Variants in CADM2 observed in about 807,000 individuals in gnomAD.
The protein encoded by CADM2 is cell adhesion molecule 2, also known as immunoglobulin superfamily member 4D.
Under a neutral mutation model 49.8 loss-of-function variants are expected in CADM2, and 12 were observed. That is an observed-to-expected ratio of 0.24 (90% CI 0.15 to 0.39). CADM2 has a LOEUF of 0.39. CADM2 is among the 10% of genes least tolerant of loss of function. CADM2 has a pLI of 1.00. For synonymous variants in CADM2, 214 were observed against 175.4 expected (o/e 1.22, Z -1.74); for missense variants, 378 against 492.3 (o/e 0.77, Z 2.20).
intron 1 of CADM2, among the ~76,000 whole-genome samples, chr3:85,677,141 T>G (rs2065908641): frequency 6.6e-6 from 1 of 152,188 alleles, no homozygotes; most frequent in Admixed American, 6.5e-5. Flanking sequence ...ATTAATACAC[T>G]TAGGTTAAGC....
At chr3:85,505,175 C>T (rs2040290459) in intron 1 of CADM2, among the ~76,000 whole-genome samples, 1 of 152,248 alleles carries the variant, frequency 6.6e-6, no homozygotes, top group African/African-American at 2.4e-5. Flanking sequence ...AGTGGGAGCC[C>T]AGGCAGAGGA....
intron 1 of CADM2, among the ~76,000 whole-genome samples, chr3:85,290,232 G>C (rs559905226): frequency 2.1e-4 from 32 of 152,138 alleles, no homozygotes; most frequent in African/African-American, 7.2e-4. Flanking sequence ...TTTTCCGATC[G>C]GCTTAAAAAA....
chr3:85,379,277 G>T (rs1277930564), intron 1 of CADM2, among the ~76,000 whole-genome samples: 1 of 151,864 alleles, frequency 6.6e-6, no homozygotes, highest in East Asian at 1.9e-4. Flanking sequence ...CAATAGTTTT[G>T]GATGCATCCA....
chr3:85,292,934 AAAATC>A (rs1385328718), intron 1 of CADM2, among the ~76,000 whole-genome samples: 4 of 152,136 alleles, frequency 2.6e-5, no homozygotes, highest in Admixed American at 2.6e-4. Flanking sequence ...AGAAATAACT[AAAATC>A]AGAGCAGAAC....
At chr3:85,153,633 G>A (rs980446378) in intron 1 of CADM2, among the ~76,000 whole-genome samples, 1 of 152,132 alleles carries the variant, frequency 6.6e-6, no homozygotes, top group African/African-American at 2.4e-5. Flanking sequence ...ATCTCTGGGG[G>A]CAGGGCACAG....
intron 8 of CADM2, among the ~76,000 whole-genome samples, chr3:86,054,117 A>G (rs76030863): frequency 0.037 from 5,673 of 152,098 alleles, 212 homozygotes; most frequent in African/African-American, 0.094. Flanking sequence ...AAAAGCAATC[A>G]GAGAACATCT....
At chr3:85,980,060 A>G (rs1445169166) in intron 8 of CADM2, among the ~76,000 whole-genome samples, 1 of 151,498 alleles carries the variant, frequency 6.6e-6, no homozygotes, top group Non-Finnish European at 1.5e-5. Context: ...AATTAAAAAA[A>G]AATGAAGCCA....
intron 1 of CADM2, among the ~76,000 whole-genome samples, chr3:85,652,533 C>A (rs555179169): frequency 6.6e-6 from 1 of 152,208 alleles, no homozygotes; most frequent in South Asian, 2.1e-4. Context: ...TAATTTCTGG[C>A]AGGATTCACT....
chr3:85,626,460 A>G (rs1395552876), intron 1 of CADM2, among the ~76,000 whole-genome samples: 2 of 152,016 alleles, frequency 1.3e-5, no homozygotes, highest in Non-Finnish European at 2.9e-5. Context: ...AAAAAAAGGC[A>G]TCTATGACTG....
At chr3:85,843,757 T>C (rs1320479525) in intron 3 of CADM2, among the ~76,000 whole-genome samples, 1 of 152,100 alleles carries the variant, frequency 6.6e-6, no homozygotes, top group Non-Finnish European at 1.5e-5. Context: ...ACGTTAATGC[T>C]CCAGGTAAAC....
intron 3 of CADM2, among the ~76,000 whole-genome samples, chr3:85,833,692 T>A (rs556362134): frequency 1.3e-5 from 2 of 151,756 alleles, no homozygotes; most frequent in South Asian, 2.1e-4. Context: ...TGATGATGTC[T>A]GCATAGATTC....
At chr3:85,589,754 A>T (rs192697336) in intron 1 of CADM2, among the ~76,000 whole-genome samples, 1 of 152,168 alleles carries the variant, frequency 6.6e-6, no homozygotes, top group East Asian at 1.9e-4. Context: ...ATCATTGGCA[A>T]TTTCCTGATC....
intron 1 of CADM2, among the ~76,000 whole-genome samples, chr3:85,308,342 A>C (rs939765197): frequency 3.8e-5 from 5 of 130,280 alleles, no homozygotes; most frequent in East Asian, 4.8e-4. Context: ...CACACACACA[A>C]CACTCCATGT....
At chr3:85,301,492 T>C (rs2044099763) in intron 1 of CADM2, among the ~76,000 whole-genome samples, 1 of 152,058 alleles carries the variant, frequency 6.6e-6, no homozygotes, top group Non-Finnish European at 1.5e-5. Flanking sequence ...GTCTGCGGTG[T>C]ATGTGTGCTA....
At chr3:85,893,695 C>A (rs1222499734) in intron 5 of CADM2, among the ~76,000 whole-genome samples, 1 of 152,170 alleles carries the variant, frequency 6.6e-6, no homozygotes, top group Non-Finnish European at 1.5e-5. Flanking sequence ...AGGATATGAA[C>A]AGACACTTCT....
chr3:85,471,952 C>G (rs2038788938), intron 1 of CADM2, among the ~76,000 whole-genome samples: 1 of 151,488 alleles, frequency 6.6e-6, no homozygotes. Flanking sequence ...TAAGGAAGTC[C>G]CAATTCAAAT....
At chr3:84,995,863 T>C (rs2033155299) in intron 1 of CADM2, among the ~76,000 whole-genome samples, 1 of 152,190 alleles carries the variant, frequency 6.6e-6, no homozygotes, top group South Asian at 2.1e-4. Flanking sequence ...TGGTCAAAGA[T>C]GGCTGAAATG....
intron 8 of CADM2, among the ~76,000 whole-genome samples, chr3:86,041,679 GA>G (rs1198661012): frequency 2.0e-5 from 3 of 152,122 alleles, no homozygotes; most frequent in Non-Finnish European, 4.4e-5. Flanking sequence ...TCAACAGACA[GA>G]AAGTTAACAA....
chr3:85,533,189 C>T (rs921250871), intron 1 of CADM2, among the ~76,000 whole-genome samples: 11 of 152,232 alleles, frequency 7.2e-5, no homozygotes, highest in African/African-American at 2.4e-4. Context: ...CTCACTGAAG[C>T]TGGTTCTTTG....
Sources: gnomAD v4.1 joint callset for allele counts (sites outside exome capture counted in the v4.1 genomes callset) on GRCh38, gnomAD v4.1.1 for gene constraint, MANE v1.5 for transcripts, NCBI Gene and HGNC (gene_info 2026-07-23, HGNC 2026-07-21) for gene names.